The following TRIM16 variants were observed in gnomAD, a reference collection of about 807,000 sequenced individuals.
TRIM16 encodes tripartite motif containing 16.
TRIM16 carries 33 observed loss-of-function variants against 50.4 expected under a neutral mutation model. The ratio of observed to expected loss-of-function variants is 0.65; its 90% CI spans 0.50 to 0.88. The LOEUF is 0.88. TRIM16 is among the 40% of genes least tolerant of loss of function. TRIM16 has a pLI of 0.00. For synonymous variants in TRIM16, 229 were observed against 270.7 expected (o/e 0.85, Z 1.51); for missense variants, 581 against 686.8 (o/e 0.85, Z 1.72).
chr17:15,683,954 G>A (rs1388742543), intron 1 of TRIM16: 5 of 152,160 alleles, frequency 3.3e-5, no homozygotes, highest in Admixed American at 1.3e-4. Context: ...CAGGGTATGC[G>A]GGCCCTCAGC....
At chr17:15,651,033 G>A (rs1987664816) in intron 7 of TRIM16, 58 bp downstream of exon 7, 1 of 1,557,430 alleles carries the variant, frequency 6.4e-7, no homozygotes, top group Non-Finnish European at 8.7e-7. Flanking sequence ...GCAGCCAGCT[G>A]GGCACACCAT....
chr17:15,635,946 A>G, intron 9 of TRIM16, 90 bp downstream of exon 9: 11 of 1,232,528 alleles, frequency 8.9e-6, no homozygotes, highest in Non-Finnish European at 1.3e-5. Context: ...AACAAAAAAC[A>G]GTTCCATTCA....
intron 10 of TRIM16, among the ~76,000 whole-genome samples, chr17:15,632,189 G>C (rs1986460254): frequency 6.6e-6 from 1 of 152,110 alleles, no homozygotes; most frequent in South Asian, 2.1e-4. Context: ...AGGAGTTCGA[G>C]ACCAGCCTGA....
At chr17:15,646,305 G>A (rs1987376321) in intron 7 of TRIM16, among the ~76,000 whole-genome samples, 1 of 144,736 alleles carries the variant, frequency 6.9e-6, no homozygotes, top group South Asian at 2.2e-4. Flanking sequence ...TGAAAATGAT[G>A]GGGTGCCTCA....
intron 6 of TRIM16, among the ~76,000 whole-genome samples, chr17:15,653,246 G>A (rs574061189): frequency 3.9e-5 from 6 of 152,174 alleles, no homozygotes; most frequent in African/African-American, 7.2e-5. Flanking sequence ...GGATGGAAGC[G>A]GCCTGAGGCC....
intron 4 of TRIM16, among the ~76,000 whole-genome samples, chr17:15,679,432 T>C (rs1383273579): frequency 3.3e-5 from 5 of 152,084 alleles, no homozygotes; most frequent in African/African-American, 1.2e-4. Flanking sequence ...AAGCAAACTG[T>C]TTCTAGATCT....
At position 15,668,952 on chromosome 17, in the gene TRIM16, C is replaced by T. The variant is rs1988614673; in HGVS notation, c.-338+8224G>A. On this transcript the variant is annotated intron_variant, in intron 6 of 11. Coordinates refer to ENST00000649191, the MANE Select transcript of TRIM16 (RefSeq NM_001348119.1). ...CTACTCCAAATTGATAAAAAGAAAGCAACCCAATAAAAAGTGGAAAAAGGA... is the reference window on the plus strand; with the variant it reads ...CTACTCCAAATTGATAAAAAGAAAGTAACCCAATAAAAAGTGGAAAAAGGA... Among the ~76,000 whole-genome samples, 5 of 151,872 alleles carry T rather than the reference C, an allele frequency of 3.3e-5. No individual in the cohort carries two copies. In the South Asian group the frequency reaches 1.0e-3, roughly 32 times the overall value.
chr17:15,635,660 C>T (rs1262961713), intron 9 of TRIM16, among the ~76,000 whole-genome samples: 3 of 121,110 alleles, frequency 2.5e-5, no homozygotes, highest in East Asian at 2.4e-4. Context: ...CCTGCCTGGC[C>T]GTGCCAGTCT....
intron 6 of TRIM16, among the ~76,000 whole-genome samples, chr17:15,652,931 T>C (rs1987797974): frequency 6.6e-6 from 1 of 152,180 alleles, no homozygotes. Context: ...ACAGCCCTTT[T>C]GCCCACTTAA....
intron 7 of TRIM16, among the ~76,000 whole-genome samples, chr17:15,647,346 G>A (rs1458512883): frequency 6.6e-6 from 1 of 152,230 alleles, no homozygotes. Context: ...GGCTGTGAGT[G>A]ATGCCAGTTA....
At position 15,676,714 on chromosome 17, in the gene TRIM16, C is replaced by T. The variant is rs1183440748; in HGVS notation, c.-338+462G>A. On this transcript the variant is annotated intron_variant, in intron 6 of 11. Coordinates refer to ENST00000649191, the MANE Select transcript of TRIM16 (RefSeq NM_001348119.1). ...CCTCCCAAAGTGCTGGGATTATAGGCGTGAGCCACTGCGCCTGGCCGAAAC... is the reference window on the plus strand; with the variant it reads ...CCTCCCAAAGTGCTGGGATTATAGGTGTGAGCCACTGCGCCTGGCCGAAAC... 1.3e-4 allele frequency among the ~76,000 whole-genome samples: 20 copies of T among 152,268 alleles called. No homozygotes were observed. In the East Asian group the frequency reaches 1.4e-3, roughly 10 times the overall value.
intron 9 of TRIM16, among the ~76,000 whole-genome samples, chr17:15,634,684 T>C (rs2323790): frequency 7.1e-6 from 1 of 140,872 alleles, no homozygotes; most frequent in Non-Finnish European, 1.5e-5. Context: ...TGGTGGCGGG[T>C]GCCTGTAATC....
chr17:15,653,719 C>T (rs1987837586), intron 6 of TRIM16, among the ~76,000 whole-genome samples: 1 of 152,158 alleles, frequency 6.6e-6, no homozygotes, highest in South Asian at 2.1e-4. Flanking sequence ...TTTCAACATA[C>T]ACATTTGTAG....
chr17:15,665,197 G>T (rs910091137), intron 6 of TRIM16, among the ~76,000 whole-genome samples: 1 of 151,964 alleles, frequency 6.6e-6, no homozygotes, highest in Non-Finnish European at 1.5e-5. Flanking sequence ...CATGAGAAAA[G>T]GATCACATTA....
At chr17:15,639,231 A>C (rs577493549) in intron 8 of TRIM16, among the ~76,000 whole-genome samples, 1 of 144,140 alleles carries the variant, frequency 6.9e-6, no homozygotes, top group East Asian at 2.1e-4. Context: ...TTTTTTGTAG[A>C]GATAGGAGCT....
At chr17:15,676,730 T>C (rs893898955) in intron 6 of TRIM16, among the ~76,000 whole-genome samples, 16 of 152,304 alleles carry the variant, frequency 1.1e-4, no homozygotes, top group African/African-American at 3.8e-4. Flanking sequence ...CCACTGCGCC[T>C]GGCCGAAACC....
chr17:15,635,997 G>A lies in TRIM16; in HGVS notation c.849+39C>T, dbSNP rs747231152. ...CTAGCAAAGAGAGGGTGCTTCATGG[G>A]GCAGCTGTGGGATGCCTCTGCCCCC... On this transcript the variant is annotated intron_variant, in intron 9 of 11. Coordinates refer to ENST00000649191, the MANE Select transcript of TRIM16 (RefSeq NM_001348119.1). The A allele has an allele frequency of 2.6e-5, 42 of 1,607,266 alleles. 1 individual carries two copies. Among genetic ancestry groups the A allele is most frequent in the Middle Eastern group, 1.7e-4 (1 of 5,970 alleles).
At chr17:15,642,334 G>A (rs1304991287) in intron 8 of TRIM16, among the ~76,000 whole-genome samples, 4 of 149,238 alleles carry the variant, frequency 2.7e-5, no homozygotes, top group Non-Finnish European at 6.0e-5. Flanking sequence ...TAGGACTGGT[G>A]AGACTCACAT....
At chr17:15,633,971 G>T (rs1986573635) in intron 9 of TRIM16, among the ~76,000 whole-genome samples, 1 of 147,814 alleles carries the variant, frequency 6.8e-6, no homozygotes, top group Non-Finnish European at 1.5e-5. Context: ...GAGGTGGGTG[G>T]ATCACGAGGT....
Sources: gnomAD v4.1 joint callset for allele counts (sites outside exome capture counted in the v4.1 genomes callset) on GRCh38, gnomAD v4.1.1 for gene constraint, MANE v1.5 for transcripts, NCBI Gene and HGNC (gene_info 2026-07-23, HGNC 2026-07-21) for gene names.